Variants in RNF13 observed in about 807,000 individuals in gnomAD.
The protein encoded by RNF13 is E3 ubiquitin-protein ligase RNF13.
Under a neutral mutation model 37.7 loss-of-function variants are expected in RNF13, and 19 were observed. That is an observed-to-expected ratio of 0.50 (90% CI 0.35 to 0.74). The LOEUF is 0.74. Among genes scored for constraint, RNF13 ranks in the 30% least tolerant of loss-of-function variants. The probability of loss-of-function intolerance (pLI) is 0.01; values close to 1 mark genes in which losing one functional copy is unlikely to be tolerated. For synonymous variants in RNF13, 144 were observed against 157.8 expected (o/e 0.91, Z 0.65); for missense variants, 375 against 453.0 (o/e 0.83, Z 1.56).
intron 3 of RNF13, among the ~76,000 whole-genome samples, chr3:149,864,960 A>G (rs2108425608): frequency 6.6e-6 from 1 of 152,242 alleles, no homozygotes; most frequent in South Asian, 2.1e-4. Context: ...TCTGCAGATT[A>G]ATTTGAAGTA....
intron 8 of RNF13, among the ~76,000 whole-genome samples, chr3:149,943,652 C>G (rs543322162): frequency 6.6e-6 from 1 of 152,134 alleles, no homozygotes; most frequent in East Asian, 1.9e-4. Flanking sequence ...GTTCACTGCC[C>G]TAGCAATCCT....
intron 8 of RNF13, among the ~76,000 whole-genome samples, chr3:149,958,791 C>A (rs1722107350): frequency 6.6e-6 from 1 of 152,170 alleles, no homozygotes; most frequent in Non-Finnish European, 1.5e-5. Flanking sequence ...ATAAGTCTCA[C>A]CAAATTCCAC....
chr3:149,871,073 G>A (rs551996069), intron 3 of RNF13, among the ~76,000 whole-genome samples: 2 of 127,674 alleles, frequency 1.6e-5, no homozygotes, highest in Admixed American at 9.5e-5. Flanking sequence ...ACGGAGTTTC[G>A]CTCTATCGCC....
Position 149,914,422 on chromosome 3 carries a change from A to G in RNF13, c.606+2339A>G, listed in dbSNP as rs372086966. ...TCATTAATCATGTAATCATGTAACAAATTCCATTATGGTAATTTGTTTGTT... is the reference window on the plus strand; with the variant it reads ...TCATTAATCATGTAATCATGTAACAGATTCCATTATGGTAATTTGTTTGTT... On this transcript the variant is annotated intron_variant, in intron 7 of 9. Coordinates refer to ENST00000392894, the MANE Select transcript of RNF13 (RefSeq NM_183381.3). Among the ~76,000 whole-genome samples, 17 of 152,190 alleles carry G rather than the reference A, an allele frequency of 1.1e-4. No homozygotes were observed. In the East Asian group the frequency reaches 2.5e-3, roughly 22 times the overall value.
intron 1 of RNF13, among the ~76,000 whole-genome samples, chr3:149,835,745 T>C (rs1559895675): frequency 6.6e-6 from 1 of 152,020 alleles, no homozygotes; most frequent in Non-Finnish European, 1.5e-5. Context: ...GCTGGTTCCA[T>C]ATTTTTGCAA....
intron 8 of RNF13, among the ~76,000 whole-genome samples, chr3:149,934,188 G>A (rs1228873534): frequency 6.6e-6 from 1 of 151,976 alleles, no homozygotes; most frequent in African/African-American, 2.4e-5. Flanking sequence ...TAAAATCTCT[G>A]ATGATCATTA....
intron 5 of RNF13, among the ~76,000 whole-genome samples, chr3:149,895,808 G>A (rs1715196766): frequency 6.6e-6 from 1 of 151,996 alleles, no homozygotes; most frequent in Non-Finnish European, 1.5e-5. Flanking sequence ...CAAAATGGGG[G>A]AAACAGCTTT....
At chr3:149,960,533 A>C (rs146396831) in intron 9 of RNF13, among the ~76,000 whole-genome samples, 58 of 152,260 alleles carry the variant, frequency 3.8e-4, no homozygotes, top group African/African-American at 1.2e-3. Flanking sequence ...CAGAGGTTAC[A>C]GTGAGCTGAG....
chr3:149,833,266 C>G (rs1721256539), intron 1 of RNF13, among the ~76,000 whole-genome samples: 3 of 151,900 alleles, frequency 2.0e-5, no homozygotes, highest in African/African-American at 2.4e-5. Flanking sequence ...ATTACAGGTG[C>G]CTGTCACCAC....
intron 8 of RNF13, among the ~76,000 whole-genome samples, chr3:149,946,013 T>C (rs1276526054): frequency 6.6e-6 from 1 of 152,034 alleles, no homozygotes. Context: ...AGAGCGCCTC[T>C]CCCCCTCCAA....
chr3:149,885,441 TATCTC>T (rs1376670583), intron 4 of RNF13, among the ~76,000 whole-genome samples: 14 of 152,222 alleles, frequency 9.2e-5, no homozygotes, highest in Admixed American at 9.2e-4. Flanking sequence ...GGTGAGATGA[TATCTC>T]ATTGTAGTTT....
At position 149,830,816 on chromosome 3, in the gene RNF13, C is replaced by T. The variant is rs371201777; in HGVS notation, c.-16-15195C>T. On this transcript the variant is annotated intron_variant, in intron 1 of 9. Transcript: ENST00000392894. The stretch of plus-strand genomic sequence containing the variant: ...CTTCATGGCAGCCCCTCCTATCACA[C>T]GCCCAGAGGCCTAGGAGGAAAAAAT... Among the ~76,000 whole-genome samples, 20 of 152,186 alleles carry T rather than the reference C, an allele frequency of 1.3e-4. No homozygotes were observed. The South Asian group carries it at 1.4e-3, about 11-fold the overall frequency.
intron 2 of RNF13, chr3:149,851,291 G>C (rs190194035): frequency 4.8e-4 from 73 of 152,358 alleles, no homozygotes; most frequent in African/African-American, 1.8e-3. Context: ...AAGGAGACTT[G>C]ACAGATGAAA....
intron 1 of RNF13, among the ~76,000 whole-genome samples, chr3:149,829,848 G>T (rs1351539078): frequency 6.6e-6 from 1 of 152,116 alleles, no homozygotes. Flanking sequence ...TTGTGGGAGG[G>T]ACGTGGTGGG....
intron 8 of RNF13, among the ~76,000 whole-genome samples, chr3:149,956,659 A>T (rs1029823455): frequency 1.1e-4 from 17 of 152,210 alleles, no homozygotes; most frequent in African/African-American, 4.1e-4. Context: ...CTGAAACTTT[A>T]TTCTACAGCA....
intron 8 of RNF13, among the ~76,000 whole-genome samples, chr3:149,932,248 G>A (rs1403300914): frequency 6.6e-6 from 1 of 151,908 alleles, no homozygotes. Context: ...TTACTTTTTT[G>A]AGGAACCTCA....
In RNF13 at chr3:149,840,338, T is replaced by C. The variant is rs560918895; in HGVS notation, c.-16-5673T>C. ...CTTGTATATTCTCTACTTTGAACTTTCTTCCTTTGAAGAAGTGTGACTTTT... is the reference window on the plus strand; with the variant it reads ...CTTGTATATTCTCTACTTTGAACTTCCTTCCTTTGAAGAAGTGTGACTTTT... On this transcript the variant is annotated intron_variant, in intron 1 of 9. Transcript: ENST00000392894. 7.2e-5 allele frequency among the ~76,000 whole-genome samples: 11 copies of C among 152,338 alleles called. No individual in the cohort carries two copies. In the South Asian group the frequency reaches 2.1e-3, roughly 29 times the overall value.
intron 4 of RNF13, among the ~76,000 whole-genome samples, chr3:149,889,412 C>T (rs1199300950): frequency 6.7e-6 from 1 of 150,070 alleles, no homozygotes; most frequent in Non-Finnish European, 1.5e-5. Flanking sequence ...TCAAACGATT[C>T]TCCTGCCTCA....
At chr3:149,951,980 T>C (rs1305165660) in intron 8 of RNF13, among the ~76,000 whole-genome samples, 1 of 152,172 alleles carries the variant, frequency 6.6e-6, no homozygotes, top group African/African-American at 2.4e-5. Context: ...ATGGCTTTCA[T>C]TCTTCCCATT....
Sources: gnomAD v4.1 joint callset for allele counts (sites outside exome capture counted in the v4.1 genomes callset) on GRCh38, gnomAD v4.1.1 for gene constraint, MANE v1.5 for transcripts, NCBI Gene and HGNC (gene_info 2026-07-23, HGNC 2026-07-21) for gene names.